The following DCBLD2 variants were observed in gnomAD, a reference collection of about 807,000 sequenced individuals.
The protein encoded by DCBLD2 is discoidin, CUB and LCCL domain-containing protein 2.
DCBLD2 carries 54 observed loss-of-function variants against 86.8 expected under a neutral mutation model. The observed-to-expected ratio is 0.62, with a 90% CI of 0.50 to 0.78. The LOEUF is 0.78. DCBLD2 is among the 30% of genes least tolerant of loss of function. The probability of loss-of-function intolerance (pLI) is 0.00; values close to 1 mark genes in which losing one functional copy is unlikely to be tolerated. For synonymous variants in DCBLD2, 354 were observed against 341.3 expected, an observed-to-expected ratio of 1.04 and a Z score of -0.41; for missense variants, 908 against 954.2, an observed-to-expected ratio of 0.95 and a Z score of 0.64.
intron 2 of DCBLD2, among the ~76,000 whole-genome samples, chr3:98,880,787 G>A (rs946582790): frequency 2.6e-5 from 4 of 152,062 alleles, no homozygotes; most frequent in African/African-American, 4.8e-5. Flanking sequence ...CAGGTAATCT[G>A]GCCAAAGTCA....
chr3:98,859,095 G>A (rs531670889), intron 2 of DCBLD2, among the ~76,000 whole-genome samples: 12 of 152,268 alleles, frequency 7.9e-5, no homozygotes, highest in African/African-American at 2.4e-4. Context: ...CGCCTGGCTC[G>A]GAGGGTCCTA....
intron 8 of DCBLD2, 50 bp downstream of exon 8, chr3:98,819,152 C>A: frequency 6.7e-7 from 1 of 1,487,198 alleles, no homozygotes; most frequent in South Asian, 1.3e-5. Context: ...ACTAGTTTTT[C>A]AAATAAAATA....
chr3:98,887,201 G>A (rs2107527327), intron 1 of DCBLD2, among the ~76,000 whole-genome samples: 1 of 142,450 alleles, frequency 7.0e-6, no homozygotes, highest in South Asian at 2.3e-4. Context: ...GTTTTTTTTG[G>A]TGAACTGGTG....
intron 2 of DCBLD2, among the ~76,000 whole-genome samples, chr3:98,857,169 C>T (rs188165720): frequency 2.0e-4 from 31 of 151,894 alleles, no homozygotes; most frequent in Admixed American, 7.2e-4. Flanking sequence ...GCTCTTAAGG[C>T]GGCACGTCTG....
intron 1 of DCBLD2, among the ~76,000 whole-genome samples, chr3:98,893,178 G>A (rs1943692663): frequency 6.6e-6 from 1 of 152,094 alleles, no homozygotes; most frequent in African/African-American, 2.4e-5. Context: ...AATTTTCTTT[G>A]ACATATTGAT....
Position 98,798,427 on chromosome 3 carries a change from CTG to C in DCBLD2, c.*943_*944del, listed in dbSNP as rs1341315162. The C allele has an allele frequency of 6.6e-6, 1 of 152,156 alleles. No homozygotes were observed. Among genetic ancestry groups the C allele is most frequent in the Non-Finnish European group, 1.5e-5 (1 of 68,038 alleles). The allele number at this position is 152,156 out of a possible 1,614,324, so 9.4% of individuals were successfully genotyped here. On this transcript the variant is annotated 3_prime_UTR_variant, in exon 16 of 16. Transcript: ENST00000326840. ...TCTGAGTGAATAATTTTGCCTTTCA[CTG>C]TGATAAATATAAGTGGGTCATGTTT...
At chr3:98,811,423 A>G in intron 11 of DCBLD2, 45 bp downstream of exon 11, 2 of 1,613,008 alleles carry the variant, frequency 1.2e-6, no homozygotes, top group Non-Finnish European at 1.7e-6. Flanking sequence ...AAGTTGCACC[A>G]TAAATCCAAG....
chr3:98,801,629 G>A lies in DCBLD2; in HGVS notation c.1691C>T (p.Thr564Ile), dbSNP rs1941720850. The A allele has an allele frequency of 5.6e-6, 9 of 1,609,204 alleles. No homozygotes were observed. The highest frequency in any genetic ancestry group is 4.4e-5 in the South Asian group (4 of 89,988). ...WRNRKKKTEG[T>I]YDLPYWDRAG... ...CCGGTCCCAGTAAGGTAAGTCATAGGTGCCTTCAGTTTTTTTCTTTCTGGA... is the reference window on the plus strand; with the variant it reads ...CCGGTCCCAGTAAGGTAAGTCATAGATGCCTTCAGTTTTTTTCTTTCTGGA... Residue 564 changes from threonine (T) to isoleucine (I), a missense_variant, in exon 14 of 16, where the codon ACC becomes ATC. Around this residue, in one of 3 missense-constraint regions of DCBLD2, gnomAD observed 606 missense variants for 678.5 expected, o/e 0.89. Coordinates refer to ENST00000326840, the MANE Select transcript of DCBLD2 (RefSeq NM_080927.4).
chr3:98,853,632 G>T (rs1942878704), intron 2 of DCBLD2, among the ~76,000 whole-genome samples: 1 of 152,188 alleles, frequency 6.6e-6, no homozygotes. Context: ...AACCACAGTA[G>T]ATGAATAACA....
At chr3:98,880,971 C>T (rs916483912) in intron 2 of DCBLD2, among the ~76,000 whole-genome samples, 3 of 152,022 alleles carry the variant, frequency 2.0e-5, no homozygotes, top group Non-Finnish European at 4.4e-5. Context: ...TGGCTGGGTG[C>T]AGTGGTTTAC....
chr3:98,859,220 C>A (rs13081543), intron 2 of DCBLD2, among the ~76,000 whole-genome samples: 56,106 of 152,070 alleles, frequency 0.37, 11,294 homozygotes, highest in East Asian at 0.71. Flanking sequence ...GTAAACAAAG[C>A]GGCCAGGAAG....
intron 3 of DCBLD2, among the ~76,000 whole-genome samples, chr3:98,847,005 A>G (rs1942738715): frequency 6.6e-6 from 1 of 152,220 alleles, no homozygotes; most frequent in African/African-American, 2.4e-5. Flanking sequence ...AATAAGAAGC[A>G]AATTAACTTT....
chr3:98,868,940 G>T (rs986017232), intron 2 of DCBLD2, among the ~76,000 whole-genome samples: 1 of 152,068 alleles, frequency 6.6e-6, no homozygotes, highest in African/African-American at 2.4e-5. Flanking sequence ...ACTAGTGCAG[G>T]TATCTTTTTG....
intron 3 of DCBLD2, among the ~76,000 whole-genome samples, chr3:98,835,929 C>T (rs62278511): frequency 0.067 from 1,324 of 19,630 alleles, 25 homozygotes; most frequent in African/African-American, 0.15. Context: ...TTTCTTCCTT[C>T]CTTTCTTTCT....
intron 1 of DCBLD2, among the ~76,000 whole-genome samples, chr3:98,882,101 A>G (rs1461397038): frequency 2.0e-5 from 3 of 152,170 alleles, no homozygotes; most frequent in Admixed American, 1.3e-4. Flanking sequence ...GTAACTTTGT[A>G]TCCTTTAACA....
chr3:98,850,198 C>A (rs1942808505), intron 2 of DCBLD2, among the ~76,000 whole-genome samples: 1 of 152,210 alleles, frequency 6.6e-6, no homozygotes, highest in Non-Finnish European at 1.5e-5. Context: ...GCCTAAATTT[C>A]ATCCTTTAAT....
chr3:98,844,717 C>A (rs1353198572), intron 3 of DCBLD2, among the ~76,000 whole-genome samples: 2 of 152,142 alleles, frequency 1.3e-5, no homozygotes, highest in African/African-American at 4.8e-5. Flanking sequence ...CTGGACCTTA[C>A]TGTGGTAGGT....
chr3:98,871,021 A>AG, intron 2 of DCBLD2, among the ~76,000 whole-genome samples: 1 of 119,964 alleles, frequency 8.3e-6, no homozygotes, highest in South Asian at 2.5e-4. Context: ...GTATATTCCT[A>AG]GGGTTTTTTT....
At chr3:98,807,336 G>T (rs1295397495) in intron 13 of DCBLD2, among the ~76,000 whole-genome samples, 1 of 152,114 alleles carries the variant, frequency 6.6e-6, no homozygotes, top group Admixed American at 6.6e-5. Context: ...TTAGAAAGTG[G>T]GGCTTTGGTA....
Sources: allele counts gnomAD v4.1 joint callset (sites outside exome capture counted in the v4.1 genomes callset), GRCh38; gene constraint gnomAD v4.1.1; regional missense constraint gnomAD v4.1.1; transcripts MANE v1.5; gene names NCBI Gene and HGNC (gene_info 2026-07-23, HGNC 2026-07-21).